The following TRIOBP variants were observed in gnomAD, a reference collection of about 807,000 sequenced individuals.
TRIOBP encodes TRIO and F-actin binding protein, also known as TRIO and F-actin-binding protein.
A neutral mutation model predicts 238.8 loss-of-function variants in TRIOBP; 169 were observed. The ratio of observed to expected loss-of-function variants is 0.71; its 90% CI spans 0.62 to 0.80. The LOEUF (loss-of-function observed/expected upper bound fraction) is 0.80. Ranked by LOEUF, TRIOBP falls within the 30% of genes least tolerant of loss-of-function variation. TRIOBP has a pLI of 0.00. For missense variants in TRIOBP, 2,838 were observed against 3,122.6 expected (o/e 0.91, Z 2.17); for synonymous variants, 1,150 against 1,274.4 (o/e 0.90, Z 2.08).
intron 11 of TRIOBP, chr22:37,746,495 C>T (rs1482785937): frequency 2.5e-5 from 31 of 1,250,078 alleles, no homozygotes; most frequent in Non-Finnish European, 3.1e-5. Context: ...CCAGCCTCTC[C>T]CCTCCGGGGC....
intron 17 of TRIOBP, among the ~76,000 whole-genome samples, chr22:37,762,978 C>T (rs968406141): frequency 2.6e-5 from 4 of 152,040 alleles, no homozygotes; most frequent in African/African-American, 9.7e-5. Context: ...CTTTGATGTC[C>T]ATGTCAAAGG....
In TRIOBP at chr22:37,750,093, T is replaced by C. The variant is rs143278998; in HGVS notation, c.5323-1679T>C. On this transcript the variant is annotated intron_variant, in intron 11 of 23. Coordinates refer to ENST00000644935, the MANE Select transcript of TRIOBP (RefSeq NM_001039141.3). The stretch of plus-strand genomic sequence containing the variant: ...CCTTGTACAGACACGTTCAGTCCTG[T>C]CGGAAGCTGCGGGAGGGGAGGACCG... 3.6e-3 allele frequency among the ~76,000 whole-genome samples: 542 copies of C among 152,330 alleles called. 5 individuals carry two copies. Among genetic ancestry groups the C allele is most frequent in the African/African-American group, 0.013 (521 of 41,560 alleles).
At chr22:37,705,537 A>G (rs775468131) in intron 3 of TRIOBP, among the ~76,000 whole-genome samples, 61 of 151,956 alleles carry the variant, frequency 4.0e-4, no homozygotes, top group Non-Finnish European at 6.6e-4. Context: ...GGCTTTGTGG[A>G]CATGTTGAGG....
At chr22:37,766,185 C>T (rs1040199354) in intron 18 of TRIOBP, among the ~76,000 whole-genome samples, 8 of 152,186 alleles carry the variant, frequency 5.3e-5, no homozygotes, top group Non-Finnish European at 1.0e-4. Context: ...CCTCCCTGGG[C>T]ACATGGGCCA....
At chr22:37,765,460 T>C (rs1198691817) in intron 17 of TRIOBP, among the ~76,000 whole-genome samples, 1 of 132,434 alleles carries the variant, frequency 7.6e-6, no homozygotes, top group African/African-American at 3.0e-5. Flanking sequence ...GAGGAATCCC[T>C]GGAGGGCTTG....
At chr22:37,713,000 T>A (rs950091223) in intron 4 of TRIOBP, among the ~76,000 whole-genome samples, 2 of 140,992 alleles carry the variant, frequency 1.4e-5, no homozygotes, top group Admixed American at 7.0e-5. Context: ...AAATAAATAA[T>A]AAAATTACAA....
Position 37,772,567 on chromosome 22 carries a change from C to T in TRIOBP, c.6937-34C>T, listed in dbSNP as rs763708908. On this transcript the variant is annotated intron_variant, in intron 22 of 23. Transcript: ENST00000644935. ...CGGTTGGCAGGGCTGGAGGGAGAGA[C>T]TTCATGCCCTCATACCTGCCTCCTG... 3 of 1,613,716 alleles carry T rather than the reference C, an allele frequency of 1.9e-6. No individual in the cohort carries two copies. The South Asian group carries it at 3.3e-5, about 18-fold the overall frequency.
intron 9 of TRIOBP, 85 bp from the exon 10 acceptor site, chr22:37,738,557 T>G (rs1203641707): frequency 7.6e-7 from 1 of 1,316,942 alleles, no homozygotes; most frequent in Non-Finnish European, 1.1e-6. Context: ...CATGGACAGA[T>G]GATAGAATGG....
At chr22:37,753,619 C>G (rs769096972) in intron 12 of TRIOBP, among the ~76,000 whole-genome samples, 6 of 152,190 alleles carry the variant, frequency 3.9e-5, no homozygotes, top group Non-Finnish European at 7.3e-5. Flanking sequence ...GTTCAGAAGA[C>G]TGAAGCTCAG....
intron 11 of TRIOBP, among the ~76,000 whole-genome samples, chr22:37,746,980 G>GCGGGATA: frequency 6.6e-6 from 1 of 152,372 alleles, no homozygotes. Flanking sequence ...GTCTGAAGCA[G>GCGGGATA]CGGGATACCA....
At chr22:37,733,789 G>T (rs965333137) in intron 8 of TRIOBP, among the ~76,000 whole-genome samples, 6 of 149,054 alleles carry the variant, frequency 4.0e-5, no homozygotes, top group African/African-American at 1.2e-4. Flanking sequence ...TTCTACCTCA[G>T]CCTCCCAAAT....
intron 11 of TRIOBP, among the ~76,000 whole-genome samples, chr22:37,747,128 C>T (rs1427854318): frequency 2.0e-5 from 3 of 151,966 alleles, no homozygotes; most frequent in East Asian, 3.9e-4. Flanking sequence ...TTACCTGTGC[C>T]ATAGTTAGCA....
Position 37,724,509 on chromosome 22 carries a change from C to T in TRIOBP, c.1953C>T (p.Ser651=). ...CCCAACAAGACAGCCCCAGAACATC[C>T]TGTGCCCGACGGGACGATCCCAGAG... The part of the protein sequence containing the change: ...RTTQQDSPRT[S]CARRDDPRAS... The change falls in exon 7 of 24, where the codon TCC becomes TCT. Residue 651 remains serine, a synonymous_variant. Coordinates refer to ENST00000644935, the MANE Select transcript of TRIOBP (RefSeq NM_001039141.3). 1 of 1,603,448 alleles carries T rather than the reference C, an allele frequency of 6.2e-7. No individual in the cohort carries two copies. The highest frequency in any genetic ancestry group is 1.1e-5 in the South Asian group (1 of 89,264).
chr22:37,767,963 T>C lies in TRIOBP; in HGVS notation c.6473-111T>C, dbSNP rs779415233. 747 of 823,918 alleles carry C rather than the reference T, an allele frequency of 9.1e-4. 6 individuals are homozygous for C. Among genetic ancestry groups the C allele is most frequent in the Middle Eastern group, 6.6e-4 (3 of 4,556 alleles). 51.0% of individuals were successfully genotyped at this position (823,918 alleles called of 1,614,324 possible). A position where few individuals can be genotyped will look rare whatever the true frequency, so the allele number is the denominator to read the frequency against. On this transcript the variant is annotated intron_variant, in intron 18 of 23. Coordinates refer to ENST00000644935, the MANE Select transcript of TRIOBP (RefSeq NM_001039141.3). ...AGTCCATAGTACTTGCATAGTACTA[T>C]GTGGAGTCCACATAGTACTCCACCA...
chr22:37,711,320 T>C (rs1923224743), intron 4 of TRIOBP, among the ~76,000 whole-genome samples: 1 of 152,010 alleles, frequency 6.6e-6, no homozygotes, highest in Admixed American at 6.6e-5. Flanking sequence ...GGCTCATGCC[T>C]GTAATTCCAG....
At chr22:37,742,802 T>G (rs960792795) in intron 11 of TRIOBP, among the ~76,000 whole-genome samples, 1 of 152,218 alleles carries the variant, frequency 6.6e-6, no homozygotes, top group Non-Finnish European at 1.5e-5. Flanking sequence ...ACTTATTGTA[T>G]GCCTACTACA....
rs1297114888 is a variant in TRIOBP at position 37,734,816 on chromosome 22, TGGGA to T, written c.4483_4486del (p.Glu1495ArgfsTer11). The T allele has an allele frequency of 2.5e-6, 4 of 1,612,208 alleles. No homozygotes were observed. The South Asian group carries it at 4.4e-5, about 18-fold the overall frequency. The stretch of plus-strand genomic sequence containing the variant: ...GGAGAGCTGGGGGCAGCCAGAGGCC[TGGGA>T]GGAGAAGCCCACTCATGAGCTCCCC... On this transcript the variant is annotated frameshift_variant, in exon 9 of 24. Transcript: ENST00000644935. LOFTEE classifies it high-confidence loss of function.
In TRIOBP at chr22:37,735,375, GC is replaced by G; in HGVS notation, c.5041del (p.Leu1681TrpfsTer40). The G allele has an allele frequency of 6.2e-7, 1 of 1,610,478 alleles. No individual in the cohort carries two copies. The highest frequency in any genetic ancestry group is 8.5e-7 in the Non-Finnish European group (1 of 1,178,706). ...TRGPATATLA[G>X]LEQTGPLGSR... ...GGACCAGCGACCGCAACTCTGGCAG[GC>G]CTGGAGCAGACGGGCCCCCTGGGGA... On this transcript the variant is annotated frameshift_variant, in exon 9 of 24. Coordinates refer to ENST00000644935, the MANE Select transcript of TRIOBP (RefSeq NM_001039141.3). LOFTEE classifies it high-confidence loss of function.
rs995767093 is a variant in TRIOBP at position 37,734,835 on chromosome 22, A to G, written c.4499A>G (p.His1500Arg). Residue 1500 changes from histidine to arginine, a missense_variant, in exon 9 of 24, where the codon CAT (histidine) becomes CGT (arginine). His to Arg is a conservative substitution (Grantham distance 29). Transcript: ENST00000644935. Reference protein sequence around the residue: ...QPEAWEEKPTHELPRELGKRS... With the variant: ...QPEAWEEKPTRELPRELGKRS... ...GAGGCCTGGGAGGAGAAGCCCACTCATGAGCTCCCCAGAGAACTAGGAAAG... is the reference window on the plus strand; with the variant it reads ...GAGGCCTGGGAGGAGAAGCCCACTCGTGAGCTCCCCAGAGAACTAGGAAAG... 3 of 1,612,706 alleles carry G rather than the reference A, an allele frequency of 1.9e-6. No homozygotes were observed. Among genetic ancestry groups the G allele is most frequent in the African/African-American group, 2.7e-5 (2 of 75,020 alleles).
Sources: gnomAD v4.1 joint callset for allele counts (sites outside exome capture counted in the v4.1 genomes callset) on GRCh38, gnomAD v4.1.1 for gene constraint, MANE v1.5 for transcripts, NCBI Gene and HGNC (gene_info 2026-07-23, HGNC 2026-07-21) for gene names.